Variants in FKBP3 observed in about 807,000 individuals in gnomAD.
FKBP3 encodes FKBP prolyl isomerase 3.
FKBP3 carries 21 observed loss-of-function variants against 30.6 expected under a neutral mutation model. The ratio of observed to expected loss-of-function variants is 0.69; its 90% CI spans 0.49 to 0.99. The LOEUF is 0.99. FKBP3 is among the 50% of genes least tolerant of loss of function. The pLI, the probability that FKBP3 is intolerant of heterozygous loss-of-function variation, is 0.00. For missense variants in FKBP3, 283 were observed against 261.6 expected (o/e 1.08, Z -0.56); for synonymous variants, 82 against 91.3 (o/e 0.90, Z 0.58).
In FKBP3 at chr14:45,130,827, A is replaced by T. The variant is rs370614628; in HGVS notation, c.109-27T>A. 2.9e-6 allele frequency: 4 copies of T among 1,367,354 alleles called. No homozygotes were observed. In the East Asian group the frequency reaches 9.2e-5, roughly 31 times the overall value. The allele number at this position is 1,367,354 out of a possible 1,614,324, so 84.7% of individuals were successfully genotyped here. A position where few individuals can be genotyped will look rare whatever the true frequency, so the allele number is the denominator to read the frequency against. The stretch of plus-strand genomic sequence containing the variant: ...TATAAGGAAAAAAGCTGGGTAATCA[A>T]GATAACTTCTCCCGAGTAAGAAGTG... On this transcript the variant is annotated intron_variant, in intron 1 of 6. Transcript: ENST00000396062.
At chr14:45,133,397 G>C in intron 1 of FKBP3, 1 of 244,346 alleles carries the variant, frequency 4.1e-6, no homozygotes, top group Non-Finnish European at 9.0e-6. Flanking sequence ...AACCCGGGAG[G>C]CGGAGGTTGC....
chr14:45,134,058 T>C (rs1026134531), intron 1 of FKBP3, among the ~76,000 whole-genome samples: 4 of 151,964 alleles, frequency 2.6e-5, no homozygotes, highest in African/African-American at 9.7e-5. Flanking sequence ...TATCCTCGGG[T>C]TCCTATTTTT....
At chr14:45,121,991 C>CA (rs1884995468) in intron 3 of FKBP3, among the ~76,000 whole-genome samples, 1 of 152,074 alleles carries the variant, frequency 6.6e-6, no homozygotes, top group Non-Finnish European at 1.5e-5. Flanking sequence ...ACTTCCCCCC[C>CA]ACAAAGATTT....
At position 45,121,529 on chromosome 14, in the gene FKBP3, C is replaced by G. The variant is rs761344977; in HGVS notation, c.410G>C (p.Gly137Ala). The change falls in exon 4 of 7, where the codon GGA (glycine) becomes GCA (alanine). Residue 137 changes from glycine to alanine, a missense_variant. Gly to Ala is a moderately conservative substitution (Grantham distance 60, BLOSUM62 0). Transcript: ENST00000396062. ...KGDVVHCWYT[G>A]TLQDGTVFDT... ...AAAAACAGTCCCATCTTGTAGTGTTCCTGTATACCAGCAGTGAACAACATC... is the reference window on the plus strand; with the variant it reads ...AAAAACAGTCCCATCTTGTAGTGTTGCTGTATACCAGCAGTGAACAACATC... 1.2e-6 allele frequency: 2 copies of G among 1,613,466 alleles called. No homozygotes were observed. Among genetic ancestry groups the G allele is most frequent in the Non-Finnish European group, 1.7e-6 (2 of 1,179,556 alleles).
rs578095351 is a variant in FKBP3 at position 45,121,276 on chromosome 14, T to G, written c.454+209A>C. Reference sequence around the variant, plus strand: ...TAACCAGGTTTAGACTGAGATTCCTTATCTTTTGCTTTCCAAAGAACAAGA... The same window carrying G: ...TAACCAGGTTTAGACTGAGATTCCTGATCTTTTGCTTTCCAAAGAACAAGA... On this transcript the variant is annotated intron_variant, in intron 4 of 6. Coordinates refer to ENST00000396062, the MANE Select transcript of FKBP3 (RefSeq NM_002013.4). Among the ~76,000 whole-genome samples, 5 of 152,294 alleles carry G rather than the reference T, an allele frequency of 3.3e-5. No individual in the cohort carries two copies. The South Asian group carries it at 8.3e-4, about 25-fold the overall frequency.
Position 45,128,245 on chromosome 14 carries a change from G to A in FKBP3, c.318+1549C>T, listed in dbSNP as rs552896319. On this transcript the variant is annotated intron_variant, in intron 3 of 6. Coordinates refer to ENST00000396062, the MANE Select transcript of FKBP3 (RefSeq NM_002013.4). The stretch of plus-strand genomic sequence containing the variant: ...CCAGCTACTGGGGAGGCTGAGGCAG[G>A]AGAATCACTTGAACCCAGGAGGGGG... Among the ~76,000 whole-genome samples, 3 of 152,324 alleles carry A rather than the reference G, an allele frequency of 2.0e-5. No individual in the cohort carries two copies. The South Asian group carries it at 6.2e-4, about 32-fold the overall frequency.
chr14:45,130,937 T>A (rs866232684), intron 1 of FKBP3, 137 bp from the exon 2 acceptor site: 1 of 504,808 alleles, frequency 2.0e-6, no homozygotes, highest in Middle Eastern at 4.8e-4. Context: ...GCCTATAGTT[T>A]ATACTCTTTG....
chr14:45,116,400 C>T (rs1884835870), intron 6 of FKBP3, 148 bp from the exon 7 acceptor site: 1 of 550,752 alleles, frequency 1.8e-6, no homozygotes, highest in Non-Finnish European at 3.4e-6. Context: ...ACAAGTACTC[C>T]TAAATTAGCC....
In FKBP3 at chr14:45,120,913, C is replaced by G. The variant is rs568810956; in HGVS notation, c.496G>C (p.Val166Leu). ...CCTCTGATAACTTTGCCTACTCCGA[C>G]CTTAAAACTTAAAGGCTTGGCATTT... ...KKNAKPLSFK[V>L]GVGKVIRGWD... Residue 166 changes from valine to leucine, a missense_variant, in exon 5 of 7, where the codon GTC becomes CTC. Val to Leu is a conservative substitution (Grantham distance 32). Coordinates refer to ENST00000396062, the MANE Select transcript of FKBP3 (RefSeq NM_002013.4). 53 of 1,613,358 alleles carry G rather than the reference C, an allele frequency of 3.3e-5. No individual in the cohort carries two copies. In the South Asian group the frequency reaches 5.8e-4, roughly 18 times the overall value.
At chr14:45,130,067 T>C (rs1176581006) in intron 2 of FKBP3, among the ~76,000 whole-genome samples, 166 bp from the exon 3 acceptor site, 1 of 152,226 alleles carries the variant, frequency 6.6e-6, no homozygotes, top group Non-Finnish European at 1.5e-5. Flanking sequence ...AGAAAGAATT[T>C]TGCTCATAAT....
chr14:45,125,946 C>A (rs926534736), intron 3 of FKBP3, among the ~76,000 whole-genome samples: 7 of 150,638 alleles, frequency 4.6e-5, no homozygotes, highest in African/African-American at 1.5e-4. Flanking sequence ...GCCACCTAGG[C>A]AGTGCAGTGG....
At chr14:45,129,360 G>C (rs1377342168) in intron 3 of FKBP3, among the ~76,000 whole-genome samples, 3 of 152,162 alleles carry the variant, frequency 2.0e-5, no homozygotes, top group African/African-American at 7.2e-5. Flanking sequence ...CCTGAGTTGG[G>C]AAAACTGAGA....
At position 45,130,706 on chromosome 14, in the gene FKBP3, TC is replaced by T; in HGVS notation, c.202del (p.Glu68LysfsTer11). The stretch of plus-strand genomic sequence containing the variant: ...GAATCTAACAATACTCACCTTAGTT[TC>T]AAAAAGATGGTTATAGGCTGTAACC... ...HLVTAYNHLF[E>X]TKRFKGTESI... On this transcript the variant is annotated frameshift_variant, in exon 2 of 7. Transcript: ENST00000396062. LOFTEE classifies it high-confidence loss of function. 1 of 1,579,680 alleles carries T rather than the reference TC, an allele frequency of 6.3e-7. No individual in the cohort carries two copies. The highest frequency in any genetic ancestry group is 2.3e-5 in the East Asian group (1 of 44,232).
intron 6 of FKBP3, among the ~76,000 whole-genome samples, chr14:45,116,864 A>G (rs1422068104): frequency 6.6e-6 from 1 of 152,046 alleles, no homozygotes; most frequent in African/African-American, 2.4e-5. Flanking sequence ...TCAAAAAAAA[A>G]CCAAAACAAA....
Position 45,121,635 on chromosome 14 carries a change from C to A in FKBP3, c.319-15G>T, listed in dbSNP as rs747726755. The A allele has an allele frequency of 1.2e-6, 2 of 1,611,004 alleles. No homozygotes were observed. The highest frequency in any genetic ancestry group is 2.7e-5 in the African/African-American group (2 of 74,570). ...TTTGGTGGACCCTAAAAACAAAAAACAACACACACACACAGAGTTATTAAT... is the reference window on the plus strand; with the variant it reads ...TTTGGTGGACCCTAAAAACAAAAAAAAACACACACACACAGAGTTATTAAT... On this transcript the variant is annotated splice_polypyrimidine_tract_variant and intron_variant, in intron 3 of 6. Coordinates refer to ENST00000396062, the MANE Select transcript of FKBP3 (RefSeq NM_002013.4).
At chr14:45,118,173 C>T (rs1326514098) in intron 5 of FKBP3, 48 bp from the exon 6 acceptor site, 3 of 1,087,876 alleles carry the variant, frequency 2.8e-6, no homozygotes, top group South Asian at 2.7e-5. Context: ...GCAAAAAGCA[C>T]ATGCAATACC....
At chr14:45,122,682 T>G (rs1885010996) in intron 3 of FKBP3, among the ~76,000 whole-genome samples, 1 of 151,780 alleles carries the variant, frequency 6.6e-6, no homozygotes, top group Admixed American at 6.6e-5. Flanking sequence ...TTTTTGGATT[T>G]TTAGTAGAGA....
chr14:45,118,087 C>T lies in FKBP3; in HGVS notation c.561G>A (p.Lys187=), dbSNP rs1384055109. The change falls in exon 6 of 7, where the codon AAG becomes AAA. Residue 187 remains lysine, a synonymous_variant. Transcript: ENST00000396062. ...ATTCTGGTTCAATCTCCAGTCGAGC[C>T]TTTTCTCCTTTACTCATAGTCAAGA... ...EALLTMSKGE[K]ARLEIEPEWA... The T allele has an allele frequency of 1.2e-6, 2 of 1,608,118 alleles. No homozygotes were observed. Among genetic ancestry groups the T allele is most frequent in the Non-Finnish European group, 8.5e-7 (1 of 1,178,206 alleles).
At chr14:45,120,750 CAAT>C in intron 5 of FKBP3, 134 bp downstream of exon 5, 1 of 678,234 alleles carries the variant, frequency 1.5e-6, no homozygotes, top group Non-Finnish European at 2.6e-6. Context: ...GATCAGCTAA[CAAT>C]GATTATACCC....
Sources: gnomAD v4.1 joint callset for allele counts (sites outside exome capture counted in the v4.1 genomes callset) on GRCh38, gnomAD v4.1.1 for gene constraint, MANE v1.5 for transcripts, NCBI Gene and HGNC (gene_info 2026-07-23, HGNC 2026-07-21) for gene names.